Variants in CTNNA3 observed in about 807,000 individuals in gnomAD.
The protein encoded by CTNNA3 is catenin alpha-3.
In CTNNA3, 76 loss-of-function variants were observed where a neutral mutation model predicts 95.7. The ratio of observed to expected loss-of-function variants is 0.79; its 90% confidence interval spans 0.66 to 0.96. The LOEUF is 0.96. Ranked by LOEUF, CTNNA3 falls within the 40% of genes least tolerant of loss-of-function variation. CTNNA3 has a pLI of 0.00. For missense variants in CTNNA3, 1,191 were observed against 1,089.8 expected (o/e 1.09, Z -1.31); for synonymous variants, 431 against 374.4 (o/e 1.15, Z -1.74).
chr10:67,361,864 T>C (rs1015519357), intron 5 of CTNNA3, among the ~76,000 whole-genome samples: 3 of 151,942 alleles, frequency 2.0e-5, no homozygotes, highest in East Asian at 1.9e-4. Context: ...ACAAGATCCA[T>C]ACACTGCTAG....
intron 7 of CTNNA3, among the ~76,000 whole-genome samples, chr10:67,167,515 G>C (rs1211104420): frequency 6.6e-6 from 1 of 152,154 alleles, no homozygotes; most frequent in Non-Finnish European, 1.5e-5. Context: ...TATTTAGTTG[G>C]TCAACCAAGT....
chr10:66,210,291 A>C (rs1363321474), intron 13 of CTNNA3, among the ~76,000 whole-genome samples: 1 of 151,132 alleles, frequency 6.6e-6, no homozygotes, highest in Non-Finnish European at 1.5e-5. Flanking sequence ...ATGATAGTGG[A>C]ACCACTTCCT....
chr10:67,539,910 C>T (rs1475784651), intron 3 of CTNNA3, among the ~76,000 whole-genome samples: 1 of 152,128 alleles, frequency 6.6e-6, no homozygotes, highest in East Asian at 1.9e-4. Flanking sequence ...GCTCAACTGA[C>T]TAGGAACATC....
chr10:67,730,521 T>C (rs1179110631), intron 1 of CTNNA3, among the ~76,000 whole-genome samples: 1 of 151,998 alleles, frequency 6.6e-6, no homozygotes, highest in Non-Finnish European at 1.5e-5. Context: ...AAGTAAACCA[T>C]GAAAGAGGAA....
At chr10:66,795,925 C>A (rs930125792) in intron 7 of CTNNA3, among the ~76,000 whole-genome samples, 3 of 152,100 alleles carry the variant, frequency 2.0e-5, no homozygotes, top group Non-Finnish European at 4.4e-5. Context: ...CCTCACATTT[C>A]TCAGCTTTCA....
intron 5 of CTNNA3, among the ~76,000 whole-genome samples, chr10:67,338,567 A>T (rs1842072915): frequency 6.6e-6 from 1 of 152,190 alleles, no homozygotes; most frequent in Non-Finnish European, 1.5e-5. Context: ...AGAAAATAAC[A>T]GAAAAAAAAA....
intron 5 of CTNNA3, among the ~76,000 whole-genome samples, chr10:67,260,125 A>T (rs1866536024): frequency 1.3e-5 from 2 of 152,200 alleles, no homozygotes; most frequent in South Asian, 4.1e-4. Context: ...TGAACCCAAT[A>T]ACGGCATCGT....
intron 9 of CTNNA3, among the ~76,000 whole-genome samples, chr10:66,662,368 C>T (rs1301034550): frequency 6.6e-6 from 1 of 152,162 alleles, no homozygotes; most frequent in East Asian, 1.9e-4. Flanking sequence ...TAGCATACAC[C>T]TGCAATCCTA....
chr10:67,660,189 T>C (rs1840138741), intron 1 of CTNNA3, among the ~76,000 whole-genome samples: 1 of 152,218 alleles, frequency 6.6e-6, no homozygotes, highest in Non-Finnish European at 1.5e-5. Flanking sequence ...TATTTATCAA[T>C]ATTTTCTTAA....
intron 7 of CTNNA3, among the ~76,000 whole-genome samples, chr10:67,114,077 C>A (rs370723005): frequency 6.4e-4 from 87 of 136,138 alleles, no homozygotes; most frequent in Middle Eastern, 3.6e-3. Flanking sequence ...GGGGAGAACT[C>A]AAAAAAAAAA....
At position 67,181,514 on chromosome 10, in the gene CTNNA3, G is replaced by T. The variant is rs552282811; in HGVS notation, c.844-994C>A. 4.1e-4 allele frequency among the ~76,000 whole-genome samples: 62 copies of T among 152,196 alleles called. 2 individuals are homozygous for T. In the South Asian group the frequency reaches 0.013, roughly 32 times the overall value. On this transcript the variant is annotated intron_variant, in intron 6 of 17. Coordinates refer to ENST00000433211, the MANE Select transcript of CTNNA3 (RefSeq NM_013266.4). ...TTAACATGAAATGCAATCACATAAT[G>T]ATCTTCAGAGTGTGAAATTCTGAGT...
intron 11 of CTNNA3, among the ~76,000 whole-genome samples, chr10:66,481,639 T>G (rs1160350635): frequency 7.0e-6 from 1 of 143,410 alleles, no homozygotes; most frequent in African/African-American, 2.8e-5. Context: ...GCCCGGCTAA[T>G]TTTTTGTATT....
At chr10:67,615,194 G>C (rs964441631) in intron 2 of CTNNA3, among the ~76,000 whole-genome samples, 1 of 152,044 alleles carries the variant, frequency 6.6e-6, no homozygotes, top group African/African-American at 2.4e-5. Flanking sequence ...TTAGGGTTTT[G>C]TTTGTTTGTT....
intron 13 of CTNNA3, among the ~76,000 whole-genome samples, chr10:66,170,241 CTTTTTTTTTTTT>C (rs57644952): frequency 6.7e-4 from 49 of 73,364 alleles, no homozygotes; most frequent in South Asian, 1.1e-3. Context: ...TCCTCATTGT[CTTTTTTTTTTTT>C]TTTTTTTTTT....
At chr10:67,005,737 G>A (rs993634689) in intron 7 of CTNNA3, among the ~76,000 whole-genome samples, 6 of 113,238 alleles carry the variant, frequency 5.3e-5, no homozygotes, top group Non-Finnish European at 1.0e-4. Context: ...CCAAGCTGGA[G>A]TGCAATGGTA....
intron 7 of CTNNA3, among the ~76,000 whole-genome samples, chr10:66,809,806 C>CT (rs71035181): frequency 0.57 from 81,641 of 142,344 alleles, 23,650 homozygotes; most frequent in East Asian, 0.89. Flanking sequence ...TTGCTGATTT[C>CT]TTTTTTTTTT....
intron 3 of CTNNA3, among the ~76,000 whole-genome samples, chr10:67,576,353 T>G (rs941311626): frequency 1.6e-4 from 25 of 152,116 alleles, no homozygotes; most frequent in Non-Finnish European, 2.6e-4. Context: ...GGAATTTATT[T>G]AACTACTTTA....
At chr10:67,654,036 G>A (rs79570409) in intron 1 of CTNNA3, among the ~76,000 whole-genome samples, 3,218 of 152,208 alleles carry the variant, frequency 0.021, 39 homozygotes, top group South Asian at 0.045. Context: ...ATTGAGTTTG[G>A]GTGTACAGGC....
At chr10:66,273,786 T>C (rs2091331805) in intron 13 of CTNNA3, among the ~76,000 whole-genome samples, 1 of 151,688 alleles carries the variant, frequency 6.6e-6, no homozygotes, top group Admixed American at 6.6e-5. Flanking sequence ...AAAACAAGAG[T>C]TTGATCCAGA....
Sources: allele counts gnomAD v4.1 joint callset (sites outside exome capture counted in the v4.1 genomes callset), GRCh38; gene constraint gnomAD v4.1.1; transcripts MANE v1.5; gene names NCBI Gene and HGNC (gene_info 2026-07-23, HGNC 2026-07-21).